Variants in JMJD1C observed in about 807,000 individuals in gnomAD.
JMJD1C encodes jumonji domain-containing protein 1C.
A neutral mutation model predicts 245.3 loss-of-function variants in JMJD1C; 31 were observed. That is an observed-to-expected ratio of 0.13 (90% CI 0.09 to 0.17). The LOEUF (loss-of-function observed/expected upper bound fraction) is 0.17. JMJD1C is among the 10% of genes least tolerant of loss of function. The probability of loss-of-function intolerance (pLI) is 1.00; values close to 1 mark genes in which losing one functional copy is unlikely to be tolerated. For synonymous variants in JMJD1C, 1,057 were observed against 1,017.4 expected, an observed-to-expected ratio of 1.04 and a Z score of -0.74; for missense variants, 2,691 against 3,000.2, an observed-to-expected ratio of 0.90 and a Z score of 2.41.
At chr10:63,420,690 G>C (rs1156955938) in intron 1 of JMJD1C, among the ~76,000 whole-genome samples, 1 of 137,298 alleles carries the variant, frequency 7.3e-6, no homozygotes, top group African/African-American at 2.6e-5. Context: ...GCCCCAGCCT[G>C]GGTAACAAAA....
At chr10:63,210,315 T>G (rs978451788) in intron 8 of JMJD1C, among the ~76,000 whole-genome samples, 4 of 152,172 alleles carry the variant, frequency 2.6e-5, no homozygotes, top group African/African-American at 9.7e-5. Flanking sequence ...GTTTCTTCAC[T>G]TTTGGTCAAT....
chr10:63,297,344 C>A (rs1372091837), intron 2 of JMJD1C, among the ~76,000 whole-genome samples: 1 of 152,138 alleles, frequency 6.6e-6, no homozygotes, highest in Non-Finnish European at 1.5e-5. Flanking sequence ...TATAAAAACC[C>A]CGGGCTCAGC....
chr10:63,458,843 T>C (rs910463816), intron 1 of JMJD1C, among the ~76,000 whole-genome samples: 2 of 151,888 alleles, frequency 1.3e-5, no homozygotes, highest in East Asian at 3.9e-4. Flanking sequence ...CCCACCTCAG[T>C]ACCCAAAGGA....
chr10:63,201,221 T>C (rs1845967595), intron 10 of JMJD1C, among the ~76,000 whole-genome samples: 3 of 152,202 alleles, frequency 2.0e-5, no homozygotes, highest in Non-Finnish European at 2.9e-5. Context: ...AAACCTGTAT[T>C]TGGGAGAAGA....
intron 2 of JMJD1C, among the ~76,000 whole-genome samples, chr10:63,289,001 G>A (rs1035900741): frequency 5.3e-5 from 8 of 149,794 alleles, no homozygotes; most frequent in Non-Finnish European, 7.4e-5. Flanking sequence ...CTTTCTTTAC[G>A]TTTGCTTTCT....
At chr10:63,357,826 G>GACAGACACACAC (rs1051732036) in intron 2 of JMJD1C, among the ~76,000 whole-genome samples, 47 of 140,532 alleles carry the variant, frequency 3.3e-4, no homozygotes, top group Admixed American at 2.5e-3. Flanking sequence ...CAGACAGACA[G>GACAGACACACAC]ACACACACAC....
intron 1 of JMJD1C, among the ~76,000 whole-genome samples, chr10:63,439,374 A>G (rs1017085814): frequency 3.3e-5 from 5 of 152,206 alleles, no homozygotes; most frequent in African/African-American, 1.2e-4. Flanking sequence ...CAAAACTATT[A>G]TAAACATCAC....
At chr10:63,392,934 T>C (rs954754591) in intron 1 of JMJD1C, among the ~76,000 whole-genome samples, 3 of 137,864 alleles carry the variant, frequency 2.2e-5, no homozygotes, top group African/African-American at 8.3e-5. Context: ...TAAACAGACA[T>C]TTCTCAAAAG....
intron 2 of JMJD1C, among the ~76,000 whole-genome samples, chr10:63,277,390 T>C (rs961994163): frequency 2.6e-5 from 4 of 152,142 alleles, no homozygotes; most frequent in Admixed American, 6.5e-5. Flanking sequence ...ATAGTCTTGT[T>C]ATGCAGACTA....
At chr10:63,305,629 C>CGCGTGTGT (rs1554880823) in intron 2 of JMJD1C, among the ~76,000 whole-genome samples, 1 of 121,682 alleles carries the variant, frequency 8.2e-6, no homozygotes, top group African/African-American at 2.9e-5. Context: ...ACCATGCTGG[C>CGCGTGTGT]GTGTGTGTGT....
In JMJD1C at chr10:63,200,549, T is replaced by C; in HGVS notation, c.5203A>G (p.Arg1735Gly). The C allele has an allele frequency of 6.2e-7, 1 of 1,614,022 alleles. No individual in the cohort carries two copies. Among genetic ancestry groups the C allele is most frequent in the Non-Finnish European group, 8.5e-7 (1 of 1,179,914 alleles). The change falls in exon 11 of 26, where the codon AGA (arginine) becomes GGA (glycine). Residue 1735 changes from arginine to glycine, a missense_variant. Physicochemically the swap from Arg to Gly is moderately radical, Grantham distance 125. This residue lies in a region of JMJD1C where 139 missense variants were observed against 270.5 expected (regional missense o/e 0.51). Coordinates refer to ENST00000399262, the MANE Select transcript of JMJD1C (RefSeq NM_032776.3). ...GPNLQKCRECRLIRSKKGEEP... is the reference protein window; with the variant it reads ...GPNLQKCRECGLIRSKKGEEP... ...TCTCCTTTTTTACTGCGAATAAGTC[T>C]ACATTCTCGACACTTTTGTAAATTA...
intron 1 of JMJD1C, among the ~76,000 whole-genome samples, chr10:63,474,285 T>TAGC (rs755527466): frequency 2.3e-4 from 35 of 152,140 alleles, no homozygotes; most frequent in Non-Finnish European, 3.8e-4. Context: ...GGTCAACTGA[T>TAGC]TGCTGAGTCT....
At chr10:63,229,893 T>C (rs2133378182) in intron 3 of JMJD1C, among the ~76,000 whole-genome samples, 1 of 152,332 alleles carries the variant, frequency 6.6e-6, no homozygotes. Context: ...GCAATTTCAG[T>C]AAAAGGCTAT....
intron 2 of JMJD1C, among the ~76,000 whole-genome samples, chr10:63,285,121 C>A (rs1857840649): frequency 6.6e-6 from 1 of 152,134 alleles, no homozygotes; most frequent in Non-Finnish European, 1.5e-5. Flanking sequence ...CAAACTGGGC[C>A]TACACCATTG....
intron 2 of JMJD1C, among the ~76,000 whole-genome samples, chr10:63,295,938 C>CATATATAT (rs10653796): frequency 0.24 from 27,267 of 114,698 alleles, 4,036 homozygotes; most frequent in Non-Finnish European, 0.31. Context: ...CATGTGTATA[C>CATATATAT]ATATATATAT....
At chr10:63,505,984 G>T (rs1321918643) in intron 1 of JMJD1C, among the ~76,000 whole-genome samples, 1 of 152,032 alleles carries the variant, frequency 6.6e-6, no homozygotes, top group African/African-American at 2.4e-5. Flanking sequence ...GAACTTACTG[G>T]TATCCACACA....
At chr10:63,433,326 C>A (rs1318561345) in intron 1 of JMJD1C, among the ~76,000 whole-genome samples, 1 of 152,166 alleles carries the variant, frequency 6.6e-6, no homozygotes, top group Non-Finnish European at 1.5e-5. Context: ...GAACTCCTAA[C>A]CTCAGGTGAT....
intron 2 of JMJD1C, among the ~76,000 whole-genome samples, chr10:63,367,697 T>C (rs1589597867): frequency 6.6e-6 from 1 of 152,214 alleles, no homozygotes; most frequent in African/African-American, 2.4e-5. Context: ...CAGAGTCAAA[T>C]GCTTTTAAAT....
At chr10:63,221,743 C>T (rs993424275) in intron 3 of JMJD1C, among the ~76,000 whole-genome samples, 4 of 152,140 alleles carry the variant, frequency 2.6e-5, no homozygotes, top group African/African-American at 7.2e-5. Flanking sequence ...TTTTTTGAGA[C>T]GGAGTTTTGC....
Sources: allele counts gnomAD v4.1 joint callset (sites outside exome capture counted in the v4.1 genomes callset), GRCh38; gene constraint gnomAD v4.1.1; regional missense constraint gnomAD v4.1.1; transcripts MANE v1.5; gene names NCBI Gene and HGNC (gene_info 2026-07-23, HGNC 2026-07-21).